TOX: variants seen among roughly 807,000 people sequenced by gnomAD.
The protein encoded by TOX is thymocyte selection-associated high mobility group box protein TOX.
A neutral mutation model predicts 53.7 loss-of-function variants in TOX; 11 were observed. The observed-to-expected ratio is 0.20, with a 90% CI of 0.13 to 0.34. The LOEUF (loss-of-function observed/expected upper bound fraction) is 0.34, where lower values mean the gene tolerates loss of function less well. TOX is among the 10% of genes least tolerant of loss of function. TOX has a pLI of 1.00. For synonymous variants in TOX, 225 were observed against 245.3 expected (o/e 0.92, Z 0.77); for missense variants, 570 against 664.6 (o/e 0.86, Z 1.56).
chr8:58,958,330 T>G (rs1381159993), intron 2 of TOX, among the ~76,000 whole-genome samples: 1 of 152,224 alleles, frequency 6.6e-6, no homozygotes, highest in Non-Finnish European at 1.5e-5. Context: ...TTTCCAATCC[T>G]TTATCCAAAA....
intron 1 of TOX, among the ~76,000 whole-genome samples, chr8:59,049,239 A>G (rs1471511916): frequency 6.6e-6 from 1 of 152,152 alleles, no homozygotes; most frequent in East Asian, 1.9e-4. Context: ...TAATCATTCA[A>G]TTGCTAACAA....
At chr8:58,987,704 T>C (rs1813359336) in intron 1 of TOX, among the ~76,000 whole-genome samples, 1 of 152,186 alleles carries the variant, frequency 6.6e-6, no homozygotes, top group South Asian at 2.1e-4. Context: ...CCAGATGAAG[T>C]AGTGCCTGGT....
chr8:58,972,708 A>G (rs1813022307), intron 1 of TOX, among the ~76,000 whole-genome samples: 1 of 152,204 alleles, frequency 6.6e-6, no homozygotes. Flanking sequence ...TAATACTCAC[A>G]TCAAAGAAAT....
intron 7 of TOX, among the ~76,000 whole-genome samples, chr8:58,811,150 C>T (rs1042297680): frequency 6.6e-6 from 1 of 152,090 alleles, no homozygotes; most frequent in Admixed American, 6.5e-5. Flanking sequence ...AAAAGAGATG[C>T]TGAGGTCAAA....
intron 4 of TOX, among the ~76,000 whole-genome samples, chr8:58,838,964 T>C (rs548796500): frequency 1.3e-5 from 2 of 152,246 alleles, no homozygotes; most frequent in Non-Finnish European, 2.9e-5. Context: ...CCTCCCAAAG[T>C]GCTGGGATTA....
intron 3 of TOX, among the ~76,000 whole-genome samples, chr8:58,890,170 G>A (rs1056532227): frequency 6.6e-6 from 1 of 152,108 alleles, no homozygotes; most frequent in African/African-American, 2.4e-5. Context: ...TTCAGTAAAT[G>A]GGAATTATGT....
intron 1 of TOX, among the ~76,000 whole-genome samples, chr8:59,020,518 A>G (rs2129419360): frequency 6.6e-6 from 1 of 152,322 alleles, no homozygotes; most frequent in Non-Finnish European, 1.5e-5. Flanking sequence ...GGAATGCGAT[A>G]CAGTATTTAA....
intron 3 of TOX, among the ~76,000 whole-genome samples, chr8:58,887,747 A>C (rs554458748): frequency 6.6e-6 from 1 of 151,728 alleles, no homozygotes; most frequent in African/African-American, 2.4e-5. Flanking sequence ...TGCCTTTCTT[A>C]AGTTTATTTT....
intron 4 of TOX, among the ~76,000 whole-genome samples, chr8:58,839,818 G>T (rs1456113447): frequency 7.2e-5 from 11 of 152,148 alleles, no homozygotes. Flanking sequence ...TAAAATAACT[G>T]CCACCATTGG....
intron 3 of TOX, among the ~76,000 whole-genome samples, chr8:58,880,473 A>G (rs1811365307): frequency 3.3e-5 from 5 of 152,208 alleles, no homozygotes; most frequent in Non-Finnish European, 7.3e-5. Flanking sequence ...TGAACTTAAG[A>G]CTTTATTTCT....
chr8:58,823,706 T>A (rs955580473), intron 6 of TOX, among the ~76,000 whole-genome samples: 1 of 152,184 alleles, frequency 6.6e-6, no homozygotes, highest in Non-Finnish European at 1.5e-5. Context: ...TCCACTTGGA[T>A]CTGCTATATA....
At chr8:58,913,762 A>G (rs1406628784) in intron 3 of TOX, among the ~76,000 whole-genome samples, 1 of 105,092 alleles carries the variant, frequency 9.5e-6, no homozygotes, top group East Asian at 3.3e-4. Flanking sequence ...AGAATGTTTT[A>G]TAAAGCTCTA....
intron 6 of TOX, among the ~76,000 whole-genome samples, chr8:58,823,695 G>C (rs1031187652): frequency 6.6e-5 from 10 of 152,174 alleles, no homozygotes; most frequent in African/African-American, 2.4e-4. Context: ...TCATGAAACA[G>C]TCCACTTGGA....
At chr8:59,052,439 A>G (rs1209897349) in intron 1 of TOX, among the ~76,000 whole-genome samples, 1 of 152,220 alleles carries the variant, frequency 6.6e-6, no homozygotes, top group Admixed American at 6.5e-5. Context: ...TTTATGTTAA[A>G]GGATAAATAA....
chr8:58,903,075 T>C (rs1156592266), intron 3 of TOX, among the ~76,000 whole-genome samples: 1 of 152,242 alleles, frequency 6.6e-6, no homozygotes, highest in Non-Finnish European at 1.5e-5. Flanking sequence ...GAATGGAGCA[T>C]AACTTTTTTG....
chr8:58,963,314 T>TATAG (rs1554533755), intron 1 of TOX, among the ~76,000 whole-genome samples: 5,497 of 130,670 alleles, frequency 0.042, 130 homozygotes, highest in Middle Eastern at 0.11. Context: ...TAGATATATA[T>TATAG]ATAGATAGAT....
Position 58,908,380 on chromosome 8 carries a change from T to C in TOX, c.411+30922A>G, listed in dbSNP as rs372300000. Among the ~76,000 whole-genome samples the C allele has an allele frequency of 6.9e-4, 105 of 152,310 alleles. 1 individual carries two copies. Among genetic ancestry groups the C allele is most frequent in the African/African-American group, 2.5e-3 (104 of 41,566 alleles). The stretch of plus-strand genomic sequence containing the variant: ...CTGAACGCCTTTCCTGTCATGCACC[T>C]GATGCCTTCTCACCTCTCATCTCCC... On this transcript the variant is annotated intron_variant, in intron 3 of 8. Coordinates refer to ENST00000361421, the MANE Select transcript of TOX (RefSeq NM_014729.3).
At chr8:58,950,340 T>C (rs1241890545) in intron 2 of TOX, among the ~76,000 whole-genome samples, 1 of 152,178 alleles carries the variant, frequency 6.6e-6, no homozygotes, top group East Asian at 1.9e-4. Flanking sequence ...GGGTGCAAAC[T>C]CACATTCTGC....
chr8:59,055,015 A>C (rs1281823401), intron 1 of TOX, among the ~76,000 whole-genome samples: 1 of 151,930 alleles, frequency 6.6e-6, no homozygotes, highest in Non-Finnish European at 1.5e-5. Context: ...AAAAGAGTCA[A>C]AGAAAGAAAG....
Sources: gnomAD v4.1 joint callset for allele counts (sites outside exome capture counted in the v4.1 genomes callset) on GRCh38, gnomAD v4.1.1 for gene constraint, MANE v1.5 for transcripts, NCBI Gene and HGNC (gene_info 2026-07-23, HGNC 2026-07-21) for gene names.